The following DMXL1 variants were observed in gnomAD, a reference collection of about 807,000 sequenced individuals.
DMXL1 encodes Dmx like 1, also known as dmX-like protein 1.
In DMXL1, 99 loss-of-function variants were observed where a neutral mutation model predicts 319.2. The ratio of observed to expected loss-of-function variants is 0.31; its 90% confidence interval spans 0.26 to 0.37. DMXL1 has a LOEUF of 0.37. Among genes scored for constraint, DMXL1 ranks in the 10% least tolerant of loss-of-function variants. The pLI is 1.00. For synonymous variants in DMXL1, 1,385 were observed against 1,235.2 expected (o/e 1.12, Z -2.54); for missense variants, 3,745 against 3,595.6 (o/e 1.04, Z -1.06).
At chr5:119,140,594 T>C (rs1767087414) in intron 13 of DMXL1, among the ~76,000 whole-genome samples, 1 of 151,902 alleles carries the variant, frequency 6.6e-6, no homozygotes, top group Non-Finnish European at 1.5e-5. Context: ...TAATACGAGC[T>C]CCGAAATTGA....
intron 9 of DMXL1, among the ~76,000 whole-genome samples, chr5:119,126,467 A>G (rs777587585): frequency 1.3e-5 from 2 of 152,188 alleles, no homozygotes; most frequent in African/African-American, 2.4e-5. Flanking sequence ...ATGACTGTAT[A>G]ACAATAAAAT....
At chr5:119,127,217 G>T (rs913633179) in intron 9 of DMXL1, 27 of 191,288 alleles carry the variant, frequency 1.4e-4, no homozygotes, top group Admixed American at 1.4e-3. Flanking sequence ...CCTTAGAATT[G>T]TAAAATTACA....
chr5:119,166,520 T>C, intron 21 of DMXL1, 96 bp from the exon 22 acceptor site: 1 of 1,055,840 alleles, frequency 9.5e-7, no homozygotes, highest in South Asian at 1.5e-5. Context: ...CAGATGTTTC[T>C]ATTTAGACTT....
At position 119,164,402 on chromosome 5, in the gene DMXL1, C is replaced by T. The variant is rs556806238; in HGVS notation, c.4703-105C>T. On this transcript the variant is annotated intron_variant, in intron 19 of 43. Transcript: ENST00000539542. Reference sequence around the variant, plus strand: ...ATTTCCAATCTTAAACTGTGAGTCTCATAGAAGTTTACACATTTATATTGA... The same window carrying T: ...ATTTCCAATCTTAAACTGTGAGTCTTATAGAAGTTTACACATTTATATTGA... The T allele has an allele frequency of 4.9e-6, 5 of 1,020,598 alleles. No individual in the cohort carries two copies. The South Asian group carries it at 8.6e-5, about 18-fold the overall frequency. 63.2% of individuals were successfully genotyped at this position (1,020,598 alleles called of 1,614,324 possible).
At position 119,247,343 on chromosome 5, in the gene DMXL1, G is replaced by A. The variant is rs1789976707; in HGVS notation, c.*124G>A. The A allele has an allele frequency of 1.4e-6, 1 of 726,270 alleles. No homozygotes were observed. Among genetic ancestry groups the A allele is most frequent in the South Asian group, 2.1e-5 (1 of 47,602 alleles). The allele number at this position is 726,270 out of a possible 1,614,324, so 45.0% of individuals were successfully genotyped here. On this transcript the variant is annotated 3_prime_UTR_variant, in exon 44 of 44. Transcript: ENST00000539542. ...TTTCTTGTTTTTATATTTATTTTAT[G>A]GAGCTTTGCCCTTGATGCACTGATG...
intron 28 of DMXL1, chr5:119,178,494 A>G: frequency 4.0e-6 from 2 of 500,284 alleles, no homozygotes; most frequent in Non-Finnish European, 2.6e-6. Context: ...TACTACTGAA[A>G]CTTTCATTTG....
At chr5:119,120,842 G>C in intron 8 of DMXL1, 129 bp from the exon 9 acceptor site, 1 of 643,090 alleles carries the variant, frequency 1.6e-6, no homozygotes. Context: ...ATGTTAAAAG[G>C]CGTTTTTACA....
chr5:119,182,112 C>T lies in DMXL1; in HGVS notation c.7135+3868C>T, dbSNP rs1271154810. Among the ~76,000 whole-genome samples, 3 of 152,090 alleles carry T rather than the reference C, an allele frequency of 2.0e-5. No individual in the cohort carries two copies. In the East Asian group the frequency reaches 5.8e-4, roughly 29 times the overall value. Reference sequence around the variant, plus strand: ...GCAGTCCTGTGTGTTTGGATTACTGCTAATCATAATCATTGATGTGCCAAG... The same window carrying T: ...GCAGTCCTGTGTGTTTGGATTACTGTTAATCATAATCATTGATGTGCCAAG... On this transcript the variant is annotated intron_variant, in intron 28 of 43. Transcript: ENST00000539542.
Position 119,247,191 on chromosome 5 carries a change from T to C in DMXL1, c.9119T>C (p.Leu3040Ser), listed in dbSNP as rs768244479. Residue 3040 changes from leucine to serine, a missense_variant, in exon 44 of 44, where the codon TTG becomes TCG. By Grantham distance (145) the Leu-to-Ser change is moderately radical. Around this residue, in one of 4 missense-constraint regions of DMXL1, gnomAD observed 262 missense variants for 320.5 expected, o/e 0.82. Coordinates refer to ENST00000539542, the MANE Select transcript of DMXL1 (RefSeq NM_001290321.3). ...CAGTTTAGCCCTTTAAATGAAGTGTTGAAAAATGATGTGAAATTTATGCTA... is the reference window on the plus strand; with the variant it reads ...CAGTTTAGCCCTTTAAATGAAGTGTCGAAAAATGATGTGAAATTTATGCTA... ...PDQFSPLNEV[L>S]KNDVKFML 6.2e-7 allele frequency: 1 copy of C among 1,613,044 alleles called. No homozygotes were observed.
chr5:119,239,204 A>T, intron 41 of DMXL1, 124 bp downstream of exon 41: 3 of 1,058,020 alleles, frequency 2.8e-6, no homozygotes, highest in Non-Finnish European at 4.0e-6. Context: ...TATTCTAAAA[A>T]CTATTATTTA....
Position 119,171,265 on chromosome 5 carries a change from G to C in DMXL1, c.6474G>C (p.Leu2158Phe). 3.8e-6 allele frequency: 6 copies of C among 1,596,208 alleles called. No homozygotes were observed. Among genetic ancestry groups the C allele is most frequent in the Non-Finnish European group, 5.1e-6 (6 of 1,169,666 alleles). The change falls in exon 24 of 44, where the codon TTG becomes TTC. Residue 2158 changes from leucine (L) to phenylalanine (F), a missense_variant. By Grantham distance (22) the Leu-to-Phe change is conservative. Coordinates refer to ENST00000539542, the MANE Select transcript of DMXL1 (RefSeq NM_001290321.3). ...ASVRMELILL[L>F]QESQQETSEP... ...TAAGAATGGAATTGATTTTGCTTTT[G>C]CAAGAATCTCAGCAGGTATGTAATT...
At chr5:119,127,036 CT>C (rs1763750298) in intron 9 of DMXL1, 1 of 166,088 alleles carries the variant, frequency 6.0e-6, no homozygotes, top group Non-Finnish European at 1.5e-5. Flanking sequence ...TACATGCTGT[CT>C]TCTTTCCTCT....
In DMXL1 at chr5:119,110,215, A is replaced by C; in HGVS notation, c.429A>C (p.Pro143=). 2 of 1,589,190 alleles carry C rather than the reference A, an allele frequency of 1.3e-6. No homozygotes were observed. Among genetic ancestry groups the C allele is most frequent in the Non-Finnish European group, 1.7e-6 (2 of 1,173,448 alleles). The change falls in exon 5 of 44, where the codon CCA becomes CCC. Residue 143 remains proline (P), a synonymous_variant. Coordinates refer to ENST00000539542, the MANE Select transcript of DMXL1 (RefSeq NM_001290321.3). ...QLWSNTNLEK[P]TEDENLNKTD... is the part of the protein sequence containing the mutation. ...GGTCCAATACTAACTTGGAGAAGCC[A>C]ACTGAAGATGAAAATTTAAATAAAA...
chr5:119,165,360 G>C, intron 21 of DMXL1, 80 bp downstream of exon 21: 1 of 722,784 alleles, frequency 1.4e-6, no homozygotes, highest in Non-Finnish European at 2.3e-6. Context: ...AGTAAGATTT[G>C]TTGTTCTTGT....
At chr5:119,079,322 C>A (rs545035191) in intron 1 of DMXL1, among the ~76,000 whole-genome samples, 118 of 152,270 alleles carry the variant, frequency 7.7e-4, no homozygotes, top group Non-Finnish European at 1.5e-3. Context: ...AATAAATGTC[C>A]CCCAGAATTG....
chr5:119,108,272 CTTTA>C (rs1758791835), intron 4 of DMXL1, among the ~76,000 whole-genome samples: 1 of 152,106 alleles, frequency 6.6e-6, no homozygotes, highest in Non-Finnish European at 1.5e-5. Flanking sequence ...TGAATGCCAT[CTTTA>C]TTGTCAGCTT....
intron 17 of DMXL1, 61 bp from the exon 18 acceptor site, chr5:119,148,678 C>T (rs1769114071): frequency 2.0e-6 from 3 of 1,500,746 alleles, no homozygotes; most frequent in African/African-American, 1.4e-5. Context: ...ATCGTAAGTA[C>T]ATAAAAACAG....
Position 119,177,599 on chromosome 5 carries a change from A to T in DMXL1, c.6886+115A>T, listed in dbSNP as rs970712890. 1.9e-5 allele frequency: 16 copies of T among 841,154 alleles called. No individual in the cohort carries two copies. In the East Asian group the frequency reaches 4.2e-4, roughly 22 times the overall value. The allele number at this position is 841,154 out of a possible 1,614,324, so 52.1% of individuals were successfully genotyped here. A position where few individuals can be genotyped will look rare whatever the true frequency, so the allele number is the denominator to read the frequency against. ...TCATTGTTAAATACTGTTAGAATTG[A>T]TACCAGTTAAGTATTCACCACTCAT... is the stretch of plus-strand genomic sequence containing the variant. On this transcript the variant is annotated intron_variant, in intron 27 of 43. Coordinates refer to ENST00000539542, the MANE Select transcript of DMXL1 (RefSeq NM_001290321.3).
rs180881467 is a variant in DMXL1, at chr5:119,220,490, G to A, written c.8032G>A (p.Ala2678Thr). The A allele has an allele frequency of 4.3e-6, 7 of 1,613,760 alleles. No homozygotes were observed. The highest frequency in any genetic ancestry group is 1.7e-5 in the Admixed American group (1 of 59,984). Residue 2678 changes from alanine (A) to threonine (T), a missense_variant, in exon 36 of 44, where the codon GCA (alanine) becomes ACA (threonine). By Grantham distance (58) the Ala-to-Thr change is moderately conservative. Coordinates refer to ENST00000539542, the MANE Select transcript of DMXL1 (RefSeq NM_001290321.3). The part of the protein sequence containing the change: ...AVNKANRNCI[A>T]IASSHDVQEL... The stretch of plus-strand genomic sequence containing the variant: ...TTTTCAGGCAAATAGAAACTGCATA[G>A]CAATCGCTTCCAGTCATGATGTTCA...
Sources: gnomAD v4.1 joint callset for allele counts (sites outside exome capture counted in the v4.1 genomes callset) on GRCh38, gnomAD v4.1.1 for gene constraint, gnomAD v4.1.1 regional missense constraint, MANE v1.5 for transcripts, NCBI Gene and HGNC (gene_info 2026-07-23, HGNC 2026-07-21) for gene names.